SSTR1: variants seen among roughly 807,000 people sequenced by gnomAD.
The protein encoded by SSTR1 is somatostatin receptor 1.
In SSTR1, 10 loss-of-function variants were observed where a neutral mutation model predicts 20.7. The observed-to-expected ratio is 0.48, with a 90% CI of 0.30 to 0.82. The LOEUF (loss-of-function observed/expected upper bound fraction) is 0.82. Ranked by LOEUF, SSTR1 falls within the 40% of genes least tolerant of loss-of-function variation. The pLI, the probability that SSTR1 is intolerant of heterozygous loss-of-function variation, is 0.07. For missense variants in SSTR1, 494 were observed against 540.0 expected, an observed-to-expected ratio of 0.91 and a Z score of 0.84; for synonymous variants, 267 against 227.8, an observed-to-expected ratio of 1.17 and a Z score of -1.55.
At position 38,210,124 on chromosome 14, in the gene SSTR1, C is replaced by A. The variant is rs1223227409; in HGVS notation, c.735C>A (p.Leu245=). ...GGGCTATCTGCCTGTGCTACGTGCT[C>A]ATCATTGCTAAGATGCGCATGGTGG... ...PVGAICLCYV[L]IIAKMRMVAL... Residue 245 remains leucine (L), a synonymous_variant, in exon 3 of 3, where the codon CTC becomes CTA. Coordinates refer to ENST00000267377, the MANE Select transcript of SSTR1 (RefSeq NM_001049.3). 8.7e-6 allele frequency: 14 copies of A among 1,614,250 alleles called. No homozygotes were observed. The highest frequency in any genetic ancestry group is 1.1e-5 in the Non-Finnish European group (13 of 1,180,052).
At position 38,209,998 on chromosome 14, in the gene SSTR1, C is replaced by A; in HGVS notation, c.609C>A (p.Asp203Glu). The A allele has an allele frequency of 1.2e-6, 2 of 1,614,152 alleles. No homozygotes were observed. The highest frequency in any genetic ancestry group is 2.2e-5 in the South Asian group (2 of 91,084). Reference protein sequence around the residue: ...VVFSRTAANSDGTVACNMLMP... With the variant: ...VVFSRTAANSEGTVACNMLMP... The stretch of plus-strand genomic sequence containing the variant: ...TCTCTCGCACCGCGGCCAACAGCGA[C>A]GGCACGGTGGCTTGCAACATGCTCA... The change falls in exon 3 of 3, where the codon GAC (aspartate) becomes GAA (glutamate). Residue 203 changes from aspartate to glutamate, a missense_variant. Asp to Glu is a conservative substitution (Grantham distance 45, BLOSUM62 2). This residue lies in a region of SSTR1 where 280 missense variants were observed against 286.1 expected (regional missense o/e 0.98). Coordinates refer to ENST00000267377, the MANE Select transcript of SSTR1 (RefSeq NM_001049.3).
In SSTR1 at chr14:38,210,569, C is replaced by T; in HGVS notation, c.*4C>T. The T allele has an allele frequency of 6.4e-7, 1 of 1,563,964 alleles. No homozygotes were observed. The highest frequency in any genetic ancestry group is 8.7e-7 in the Non-Finnish European group (1 of 1,153,764). On this transcript the variant is annotated 3_prime_UTR_variant, in exon 3 of 3. Transcript: ENST00000267377. ...GTCCCGGATCACGACGCTCTGAGCCCGGGCCACGCAGGGGCTCTGAGCCCG... is the reference window on the plus strand; with the variant it reads ...GTCCCGGATCACGACGCTCTGAGCCTGGGCCACGCAGGGGCTCTGAGCCCG...
rs1883356282 is a variant in SSTR1, at chr14:38,212,910, C to A, written c.*2345C>A. The A allele has an allele frequency of 6.0e-6, 1 of 166,974 alleles. No homozygotes were observed. The highest frequency in any genetic ancestry group is 2.4e-5 in the African/African-American group (1 of 41,398). The allele number at this position is 166,974 out of a possible 1,614,324, so 10.3% of individuals were successfully genotyped here. ...TGTCCCTTAATAAAAATATATATTA[C>A]TACTCCTTTGGAAAATAGATTTTTA... On this transcript the variant is annotated 3_prime_UTR_variant, in exon 3 of 3. Coordinates refer to ENST00000267377, the MANE Select transcript of SSTR1 (RefSeq NM_001049.3).
chr14:38,210,777 TA>T lies in SSTR1; in HGVS notation c.*215del. Reference sequence around the variant, plus strand: ...ATGGTAGAAGTGAGAGCTTTGCTTATAAACTGGGAAGGCTTTCAGGCTACCT... The same window carrying T: ...ATGGTAGAAGTGAGAGCTTTGCTTATAACTGGGAAGGCTTTCAGGCTACCT... On this transcript the variant is annotated 3_prime_UTR_variant, in exon 3 of 3. Transcript: ENST00000267377. 4 of 1,267,272 alleles carry T rather than the reference TA, an allele frequency of 3.2e-6. No homozygotes were observed. Among genetic ancestry groups the T allele is most frequent in the African/African-American group, 1.5e-5 (1 of 66,074 alleles). 78.5% of individuals were successfully genotyped at this position (1,267,272 alleles called of 1,614,324 possible).
chr14:38,209,791 C>G lies in SSTR1; in HGVS notation c.402C>G (p.Leu134=), dbSNP rs766994626. Residue 134 remains leucine, a synonymous_variant, in exon 3 of 3, where the codon CTC becomes CTG. Transcript: ENST00000267377. ...GTGCGCTGCTCTGCCGCCTCGTGCTCAGCGTGGACGCGGTCAACATGTTCA... is the reference window on the plus strand; with the variant it reads ...GTGCGCTGCTCTGCCGCCTCGTGCTGAGCGTGGACGCGGTCAACATGTTCA... The part of the protein sequence containing the change: ...PFGALLCRLV[L]SVDAVNMFTS... 6.2e-7 allele frequency: 1 copy of G among 1,614,018 alleles called. No homozygotes were observed. The highest frequency in any genetic ancestry group is 2.2e-5 in the East Asian group (1 of 44,828).
In SSTR1 at chr14:38,210,550, G is replaced by T; in HGVS notation, c.1161G>T (p.Arg387=). Residue 387 remains arginine, a synonymous_variant, in exon 3 of 3, where the codon CGG becomes CGT. Coordinates refer to ENST00000267377, the MANE Select transcript of SSTR1 (RefSeq NM_001049.3). The part of the protein sequence containing the change: ...GVFRNGTCTS[R]ITTL The stretch of plus-strand genomic sequence containing the variant: ...TCCGTAATGGCACCTGCACGTCCCG[G>T]ATCACGACGCTCTGAGCCCGGGCCA... 1 of 1,306,700 alleles carries T rather than the reference G, an allele frequency of 7.7e-7. No homozygotes were observed. The highest frequency in any genetic ancestry group is 1.1e-6 in the Non-Finnish European group (1 of 947,002). 80.9% of individuals were successfully genotyped at this position (1,306,700 alleles called of 1,614,324 possible).
rs757470524 is a variant in SSTR1, at chr14:38,210,089, C to A, written c.700C>A (p.Leu234Met). The A allele has an allele frequency of 6.2e-7, 1 of 1,614,246 alleles. No homozygotes were observed. ...VLYTFLMGFLLPVGAICLCYV... is the reference protein window; with the variant it reads ...VLYTFLMGFLMPVGAICLCYV... ...GTACACATTTCTCATGGGCTTCCTG[C>A]TGCCCGTGGGGGCTATCTGCCTGTG... Residue 234 changes from leucine (L) to methionine (M), a missense_variant, in exon 3 of 3, where the codon CTG becomes ATG. Leu to Met is a conservative substitution (Grantham distance 15). This residue lies in a region of SSTR1 where 280 missense variants were observed against 286.1 expected (regional missense o/e 0.98). Coordinates refer to ENST00000267377, the MANE Select transcript of SSTR1 (RefSeq NM_001049.3).
chr14:38,209,141 T>C lies in SSTR1; in HGVS notation c.-249T>C. On this transcript the variant is annotated 5_prime_UTR_variant, in exon 3 of 3. Coordinates refer to ENST00000267377, the MANE Select transcript of SSTR1 (RefSeq NM_001049.3). ...TGCGGTGCTCCCACATCCTGGCCTCTCCTCTCCACGGTCGCCTGTGCCCGG... is the reference window on the plus strand; with the variant it reads ...TGCGGTGCTCCCACATCCTGGCCTCCCCTCTCCACGGTCGCCTGTGCCCGG... The C allele has an allele frequency of 2.4e-6, 1 of 417,978 alleles. No individual in the cohort carries two copies. Among genetic ancestry groups the C allele is most frequent in the Non-Finnish European group, 4.1e-6 (1 of 242,012 alleles). The allele number at this position is 417,978 out of a possible 1,614,324, so 25.9% of individuals were successfully genotyped here. A position where few individuals can be genotyped will look rare whatever the true frequency, so the allele number is the denominator to read the frequency against.
rs1023955599 is a variant in SSTR1, at chr14:38,211,732, G to A, written c.*1167G>A. 3 of 167,162 alleles carry A rather than the reference G, an allele frequency of 1.8e-5. No individual in the cohort carries two copies. Among genetic ancestry groups the A allele is most frequent in the Admixed American group, 6.5e-5 (1 of 15,298 alleles). The allele number at this position is 167,162 out of a possible 1,614,324, so 10.4% of individuals were successfully genotyped here. ...GTGTCGCCGCAACCTGCAGGCTCCC[G>A]AGTGGGGCCTGCCTGGTCTCTAGAG... On this transcript the variant is annotated 3_prime_UTR_variant, in exon 3 of 3. Transcript: ENST00000267377.
In SSTR1 at chr14:38,212,295, A is replaced by C. The variant is rs1883344928; in HGVS notation, c.*1730A>C. ...TCCATGAGTCTAAGTATAGCCACTGATGGTGACAGGTGTGAGTCTGGCTGG... is the reference window on the plus strand; with the variant it reads ...TCCATGAGTCTAAGTATAGCCACTGCTGGTGACAGGTGTGAGTCTGGCTGG... On this transcript the variant is annotated 3_prime_UTR_variant, in exon 3 of 3. Transcript: ENST00000267377. 6.0e-6 allele frequency: 1 copy of C among 167,142 alleles called. No individual in the cohort carries two copies. 10.4% of individuals were successfully genotyped at this position (167,142 alleles called of 1,614,324 possible). A position where few individuals can be genotyped will look rare whatever the true frequency, so the allele number is the denominator to read the frequency against.
rs778488929 is a variant in SSTR1, at chr14:38,210,341, G to A, written c.952G>A (p.Ala318Thr). 3 of 1,614,232 alleles carry A rather than the reference G, an allele frequency of 1.9e-6. No individual in the cohort carries two copies. The highest frequency in any genetic ancestry group is 1.1e-5 in the South Asian group (1 of 91,090). Residue 318 changes from alanine (A) to threonine (T), a missense_variant, in exon 3 of 3, where the codon GCC becomes ACC. By Grantham distance (58) the Ala-to-Thr change is moderately conservative. Transcript: ENST00000267377. ...CATCCTCGGCTATGCCAACAGCTGC[G>A]CCAACCCCATCCTCTATGGCTTTCT... ...SVILGYANSCANPILYGFLSD... is the reference protein window; with the variant it reads ...SVILGYANSCTNPILYGFLSD...
rs756715931 is a variant in SSTR1, at chr14:38,210,457, C to A, written c.1068C>A (p.Thr356=). The part of the protein sequence containing the change: ...AAEEPVDYYA[T]ALKSRAYSVE... ...AGGAGCCGGTTGACTATTACGCCAC[C>A]GCGCTCAAGAGCCGTGCCTACAGTG... The change falls in exon 3 of 3, where the codon ACC becomes ACA. Residue 356 remains threonine (T), a synonymous_variant. Coordinates refer to ENST00000267377, the MANE Select transcript of SSTR1 (RefSeq NM_001049.3). 3 of 1,613,976 alleles carry A rather than the reference C, an allele frequency of 1.9e-6. No individual in the cohort carries two copies. The highest frequency in any genetic ancestry group is 2.5e-6 in the Non-Finnish European group (3 of 1,180,062).
rs35755023 is a variant in SSTR1 at position 38,210,711 on chromosome 14, T to C, written c.*146T>C. 9.1e-5 allele frequency: 131 copies of C among 1,439,556 alleles called. No homozygotes were observed. The highest frequency in any genetic ancestry group is 2.4e-4 in the African/African-American group (17 of 69,562). The allele number at this position is 1,439,556 out of a possible 1,614,324, so 89.2% of individuals were successfully genotyped here. A position where few individuals can be genotyped will look rare whatever the true frequency, so the allele number is the denominator to read the frequency against. On this transcript the variant is annotated 3_prime_UTR_variant, in exon 3 of 3. Transcript: ENST00000267377. ...TCGGGATAACGTGGGGCTAGGACAC[T>C]GACAGCCTTTGATGGAGGAACCCAA...
In SSTR1 at chr14:38,209,744, T is replaced by C; in HGVS notation, c.355T>C (p.Leu119=). The C allele has an allele frequency of 6.2e-7, 1 of 1,614,048 alleles. No individual in the cohort carries two copies. Among genetic ancestry groups the C allele is most frequent in the Non-Finnish European group, 8.5e-7 (1 of 1,180,028 alleles). The stretch of plus-strand genomic sequence containing the variant: ...CGTGCCCTTCCTAGTCACCTCCACG[T>C]TGTTGCGCCACTGGCCCTTCGGTGC... ...LSVPFLVTST[L]LRHWPFGALL... is the part of the protein sequence containing the mutation. Residue 119 remains leucine, a synonymous_variant, in exon 3 of 3, where the codon TTG becomes CTG. Transcript: ENST00000267377.
Position 38,209,472 on chromosome 14 carries a change from G to A in SSTR1, c.83G>A (p.Arg28Lys), listed in dbSNP as rs114286723. ...AGCTGCGGCGAAGGCGGCGGCAGCAGGGGCCCCGGGGCCGGCGCTGCGGAC... is the reference window on the plus strand; with the variant it reads ...AGCTGCGGCGAAGGCGGCGGCAGCAAGGGCCCCGGGGCCGGCGCTGCGGAC... ...PGSCGEGGGSRGPGAGAADGM... is the reference protein window; with the variant it reads ...PGSCGEGGGSKGPGAGAADGM... Residue 28 changes from arginine (R) to lysine (K), a missense_variant, in exon 3 of 3, where the codon AGG (arginine) becomes AAG (lysine). By Grantham distance (26) the Arg-to-Lys change is conservative. This residue lies in a region of SSTR1 where 98 missense variants were observed against 79.3 expected (regional missense o/e 1.24). Coordinates refer to ENST00000267377, the MANE Select transcript of SSTR1 (RefSeq NM_001049.3). 11 of 1,560,624 alleles carry A rather than the reference G, an allele frequency of 7.0e-6. No individual in the cohort carries two copies. The highest frequency in any genetic ancestry group is 4.1e-5 in the African/African-American group (3 of 73,548).
At position 38,208,623 on chromosome 14, in the gene SSTR1, G is replaced by C. The variant is rs1883259279; in HGVS notation, c.-345+14G>C. The stretch of plus-strand genomic sequence containing the variant: ...TGCGCACTTTGGGTAAGGAGGGCCC[G>C]GAACTTCCCTGGCGGGTCTGAGCTG... On this transcript the variant is annotated intron_variant, in intron 2 of 2. Transcript: ENST00000267377. The C allele has an allele frequency of 6.6e-6, 1 of 152,484 alleles. No homozygotes were observed. The highest frequency in any genetic ancestry group is 1.5e-5 in the Non-Finnish European group (1 of 68,268). The allele number at this position is 152,484 out of a possible 1,614,324, so 9.4% of individuals were successfully genotyped here.
Position 38,209,164 on chromosome 14 carries a change from CG to C in SSTR1, c.-223del. On this transcript the variant is annotated 5_prime_UTR_variant, in exon 3 of 3. Coordinates refer to ENST00000267377, the MANE Select transcript of SSTR1 (RefSeq NM_001049.3). ...TCTCCTCTCCACGGTCGCCTGTGCC[CG>C]GGCACCCCGGAGCTGCAAACTGCAG... 2.2e-6 allele frequency: 1 copy of C among 450,072 alleles called. No homozygotes were observed. The highest frequency in any genetic ancestry group is 3.7e-6 in the Non-Finnish European group (1 of 267,734). 27.9% of individuals were successfully genotyped at this position (450,072 alleles called of 1,614,324 possible). A position where few individuals can be genotyped will look rare whatever the true frequency, so the allele number is the denominator to read the frequency against.
chr14:38,210,790 C>A lies in SSTR1; in HGVS notation c.*225C>A. ...GAGCTTTGCTTATAAACTGGGAAGG[C>A]TTTCAGGCTACCTTTTTCTGGGTCT... On this transcript the variant is annotated 3_prime_UTR_variant, in exon 3 of 3. Transcript: ENST00000267377. The A allele has an allele frequency of 8.7e-7, 1 of 1,147,004 alleles. No individual in the cohort carries two copies. Among genetic ancestry groups the A allele is most frequent in the Non-Finnish European group, 1.2e-6 (1 of 847,488 alleles). 71.1% of individuals were successfully genotyped at this position (1,147,004 alleles called of 1,614,324 possible). A position where few individuals can be genotyped will look rare whatever the true frequency, so the allele number is the denominator to read the frequency against.
chr14:38,210,253 C>T lies in SSTR1; in HGVS notation c.864C>T (p.Tyr288=). 3 of 1,614,180 alleles carry T rather than the reference C, an allele frequency of 1.9e-6. No homozygotes were observed. Among genetic ancestry groups the T allele is most frequent in the Non-Finnish European group, 2.5e-6 (3 of 1,180,020 alleles). The change falls in exon 3 of 3, where the codon TAC becomes TAT. Residue 288 remains tyrosine, a synonymous_variant. Transcript: ENST00000267377. ...MVFVICWMPF[Y]VVQLVNVFAE... is the part of the protein sequence containing the mutation. The stretch of plus-strand genomic sequence containing the variant: ...TTGTCATCTGCTGGATGCCTTTCTA[C>T]GTGGTGCAGCTGGTCAACGTGTTTG...
Sources: gnomAD v4.1 joint callset for allele counts on GRCh38, gnomAD v4.1.1 for gene constraint, gnomAD v4.1.1 regional missense constraint, MANE v1.5 for transcripts, NCBI Gene and HGNC (gene_info 2026-07-23, HGNC 2026-07-21) for gene names.